PHACTR3: variants seen among roughly 807,000 people sequenced by gnomAD.
PHACTR3 encodes protein phosphatase 1, regulatory subunit 123.
In PHACTR3, 16 loss-of-function variants were observed where a neutral mutation model predicts 66.8. The observed-to-expected ratio is 0.24, with a 90% confidence interval of 0.16 to 0.36. The LOEUF is 0.36. Among genes scored for constraint, PHACTR3 ranks in the 10% least tolerant of loss-of-function variants. The pLI, the probability that PHACTR3 is intolerant of heterozygous loss-of-function variation, is 1.00. For synonymous variants in PHACTR3, 323 were observed against 292.1 expected, an observed-to-expected ratio of 1.11 and a Z score of -1.08; for missense variants, 647 against 719.9, an observed-to-expected ratio of 0.90 and a Z score of 1.16.
intron 1 of PHACTR3, among the ~76,000 whole-genome samples, chr20:59,689,271 A>C (rs995969491): frequency 1.3e-5 from 2 of 152,214 alleles, no homozygotes; most frequent in African/African-American, 4.8e-5. Flanking sequence ...GTCATTCTCC[A>C]AGCAGGGCAG....
chr20:59,674,253 T>G lies in PHACTR3; in HGVS notation c.119-68854T>G, dbSNP rs897011169. 6.6e-5 allele frequency among the ~76,000 whole-genome samples: 10 copies of G among 150,806 alleles called. 3 individuals are homozygous for G. Among genetic ancestry groups the G allele is most frequent in the African/African-American group, 2.5e-4 (10 of 40,390 alleles). On this transcript the variant is annotated intron_variant, in intron 1 of 12. Coordinates refer to ENST00000371015, the MANE Select transcript of PHACTR3 (RefSeq NM_080672.5). ...TTTAGAGACCCAGAGACCCTGAATGTGGACTAACGCCCCCAGAATGTTCAG... is the reference window on the plus strand; with the variant it reads ...TTTAGAGACCCAGAGACCCTGAATGGGGACTAACGCCCCCAGAATGTTCAG...
chr20:59,635,815 C>T (rs1555364), intron 1 of PHACTR3, among the ~76,000 whole-genome samples: 109,691 of 152,064 alleles, frequency 0.72, 39,708 homozygotes, highest in East Asian at 0.91. Context: ...TCATATTATC[C>T]TGATTAATGG....
chr20:59,780,638 C>T (rs2040692207), intron 7 of PHACTR3, among the ~76,000 whole-genome samples: 2 of 152,156 alleles, frequency 1.3e-5, no homozygotes, highest in South Asian at 4.2e-4. Context: ...TTGGGGGACA[C>T]AAACATCTGG....
chr20:59,642,781 A>T lies in PHACTR3; in HGVS notation c.118+37649A>T, dbSNP rs1342229748. Among the ~76,000 whole-genome samples the T allele has an allele frequency of 2.0e-5, 3 of 152,232 alleles. No homozygotes were observed. In the East Asian group the frequency reaches 5.8e-4, roughly 29 times the overall value. ...GCTGGAACCCGGGGCAGAAGGAATG[A>T]AGATTGGAAACCCTTGGTGCATGAC... On this transcript the variant is annotated intron_variant, in intron 1 of 12. Transcript: ENST00000371015.
At chr20:59,661,785 A>G (rs545920305) in intron 1 of PHACTR3, among the ~76,000 whole-genome samples, 1 of 133,250 alleles carries the variant, frequency 7.5e-6, no homozygotes, top group South Asian at 2.5e-4. Flanking sequence ...GGGAGTTCTC[A>G]GGAAGTCAAA....
At chr20:59,804,446 A>G (rs1327697550) in intron 7 of PHACTR3, among the ~76,000 whole-genome samples, 1 of 152,228 alleles carries the variant, frequency 6.6e-6, no homozygotes, top group Non-Finnish European at 1.5e-5. Flanking sequence ...TAAGCATACC[A>G]TAGTTCTCTG....
At chr20:59,735,656 G>A (rs1021262299) in intron 1 of PHACTR3, among the ~76,000 whole-genome samples, 1 of 152,114 alleles carries the variant, frequency 6.6e-6, no homozygotes, top group African/African-American at 2.4e-5. Context: ...CCTGCACTCC[G>A]GATTCACAGG....
At chr20:59,585,183 A>G (rs1204070815) in intron 1 of PHACTR3, among the ~76,000 whole-genome samples, 1 of 152,154 alleles carries the variant, frequency 6.6e-6, no homozygotes, top group Non-Finnish European at 1.5e-5. Flanking sequence ...GGCTTTGGAC[A>G]TCACAGTCCC....
intron 1 of PHACTR3, among the ~76,000 whole-genome samples, chr20:59,596,065 A>G (rs527450545): frequency 1.5e-3 from 236 of 152,336 alleles, no homozygotes; most frequent in African/African-American, 5.5e-3. Flanking sequence ...CTCTCTTAAC[A>G]AAACCCCTCC....
chr20:59,610,552 G>A (rs978338378), intron 1 of PHACTR3, among the ~76,000 whole-genome samples: 2 of 152,218 alleles, frequency 1.3e-5, no homozygotes, highest in African/African-American at 4.8e-5. Context: ...ACTACATGTG[G>A]CAATTTGAAT....
chr20:59,822,058 GCGATCCGCCCCGCAA>G lies in PHACTR3; in HGVS notation c.1329-14440_1329-14426del, dbSNP rs1355653315. On this transcript the variant is annotated intron_variant, in intron 8 of 12. Transcript: ENST00000371015. ...CCCCAGCGATCCCACCCCTTCCCCA[GCGATCCGCCCCGCAA>G]CGATCCCACCCCTTCTCCAGCGATC... 4.1e-3 allele frequency among the ~76,000 whole-genome samples: 181 copies of G among 44,060 alleles called. 3 individuals carry two copies. The highest frequency in any genetic ancestry group is 0.015 in the African/African-American group (122 of 8,228). The allele number at this position is 44,060 out of a possible 152,430, so 28.9% of individuals were successfully genotyped here. A position where few individuals can be genotyped will look rare whatever the true frequency, so the allele number is the denominator to read the frequency against.
chr20:59,712,462 T>C (rs1042438044), intron 1 of PHACTR3, among the ~76,000 whole-genome samples: 1 of 152,172 alleles, frequency 6.6e-6, no homozygotes, highest in African/African-American at 2.4e-5. Context: ...TACTCTTCCT[T>C]GTCATTTTTT....
At chr20:59,681,499 T>C (rs1358937069) in intron 1 of PHACTR3, among the ~76,000 whole-genome samples, 1 of 152,206 alleles carries the variant, frequency 6.6e-6, no homozygotes, top group Non-Finnish European at 1.5e-5. Context: ...AACATTTGCC[T>C]CACCCACTTG....
At chr20:59,679,314 A>T (rs1240011885) in intron 1 of PHACTR3, among the ~76,000 whole-genome samples, 1 of 152,216 alleles carries the variant, frequency 6.6e-6, no homozygotes, top group East Asian at 1.9e-4. Context: ...TTACTTTGAG[A>T]TGGCCAACAG....
At chr20:59,685,693 G>T (rs1446520709) in intron 1 of PHACTR3, among the ~76,000 whole-genome samples, 1 of 152,158 alleles carries the variant, frequency 6.6e-6, no homozygotes, top group African/African-American at 2.4e-5. Context: ...CAGGACACTC[G>T]TCCCCTGCCT....
Position 59,830,190 on chromosome 20 carries a change from G to GGAAGAGGGCGTGAGTGTCTGATC in PHACTR3, c.1329-6307_1329-6306insCGTGAGTGTCTGATCGAAGAGGG, listed in dbSNP as rs2042316067. On this transcript the variant is annotated intron_variant, in intron 8 of 12. Transcript: ENST00000371015. This position sits in a 1 kb window ranked among gnomAD's most constrained non-coding sequence, Gnocchi z 5.8. ...GTGGAAGAGGGTGTGCGTGTCTGAT[G>GGAAGAGGGCGTGAGTGTCTGATC]GAAGAGGGTATGAGTGTCTGATAGA... 7.3e-6 allele frequency among the ~76,000 whole-genome samples: 1 copy of GGAAGAGGGCGTGAGTGTCTGATC among 137,256 alleles called. No individual in the cohort carries two copies. Among genetic ancestry groups the GGAAGAGGGCGTGAGTGTCTGATC allele is most frequent in the African/African-American group, 3.1e-5 (1 of 31,842 alleles). 90.0% of individuals were successfully genotyped at this position (137,256 alleles called of 152,430 possible). A position where few individuals can be genotyped will look rare whatever the true frequency, so the allele number is the denominator to read the frequency against.
chr20:59,604,817 T>G lies in PHACTR3; in HGVS notation c.-198T>G. Reference sequence around the variant, plus strand: ...CGCCTGGCTGCAGCCGGCGAGGCTATTGTCTCCCCGCCCTGAAGCCAGCCC... The same window carrying G: ...CGCCTGGCTGCAGCCGGCGAGGCTAGTGTCTCCCCGCCCTGAAGCCAGCCC... On this transcript the variant is annotated 5_prime_UTR_variant, in exon 1 of 13. Coordinates refer to ENST00000371015, the MANE Select transcript of PHACTR3 (RefSeq NM_080672.5). The G allele has an allele frequency of 8.3e-7, 1 of 1,205,408 alleles. No individual in the cohort carries two copies. Among genetic ancestry groups the G allele is most frequent in the African/African-American group, 1.6e-5 (1 of 63,434 alleles). 74.7% of individuals were successfully genotyped at this position (1,205,408 alleles called of 1,614,324 possible).
intron 1 of PHACTR3, among the ~76,000 whole-genome samples, chr20:59,630,656 A>C (rs1344378147): frequency 2.0e-5 from 3 of 152,214 alleles, no homozygotes; most frequent in Non-Finnish European, 4.4e-5. Flanking sequence ...CGGGTGGTGC[A>C]GTTACCCAGC....
intron 7 of PHACTR3, among the ~76,000 whole-genome samples, chr20:59,781,379 C>T (rs1194293511): frequency 6.6e-6 from 1 of 152,212 alleles, no homozygotes; most frequent in Non-Finnish European, 1.5e-5. Flanking sequence ...GTTGGGTAAC[C>T]CACGGCGCCC....
Sources: gnomAD v4.1 joint callset for allele counts (sites outside exome capture counted in the v4.1 genomes callset) on GRCh38, gnomAD v4.1.1 for gene constraint, Gnocchi (gnomAD v3.1) non-coding constraint, MANE v1.5 for transcripts, NCBI Gene and HGNC (gene_info 2026-07-23, HGNC 2026-07-21) for gene names.